TMEM82: variants seen among roughly 807,000 people sequenced by gnomAD.
TMEM82 encodes the protein transmembrane protein 82.
TMEM82 carries 30 observed loss-of-function variants against 29.2 expected under a neutral mutation model. The ratio of observed to expected loss-of-function variants is 1.03; its 90% confidence interval spans 0.77 to 1.39. TMEM82 has a LOEUF of 1.39. Among genes scored for constraint, TMEM82 ranks in the 40% most tolerant of loss-of-function variants. The probability of loss-of-function intolerance (pLI) is 0.00; values close to 1 mark genes in which losing one functional copy is unlikely to be tolerated. For synonymous variants in TMEM82, 221 were observed against 225.4 expected, an observed-to-expected ratio of 0.98 and a Z score of 0.18; for missense variants, 442 against 447.7, an observed-to-expected ratio of 0.99 and a Z score of 0.12.
rs535615120 is a variant in TMEM82, at chr1:15,743,033, C to A, written c.175C>A (p.Arg59=). The A allele has an allele frequency of 6.3e-7, 1 of 1,598,590 alleles. No individual in the cohort carries two copies. Among genetic ancestry groups the A allele is most frequent in the African/African-American group, 1.3e-5 (1 of 74,798 alleles). ...FVGCANDPQR[R]PEKERLRAQW... Reference sequence around the variant, plus strand: ...CTGTCCCCAAAGTGACCCGCAGCGGCGACCCGAAAAGGAGCGGCTTCGGGC... The same window carrying A: ...CTGTCCCCAAAGTGACCCGCAGCGGAGACCCGAAAAGGAGCGGCTTCGGGC... The change falls in exon 3 of 6, where the codon CGA becomes AGA. Residue 59 remains arginine, a synonymous_variant. Coordinates refer to ENST00000375782, the MANE Select transcript of TMEM82 (RefSeq NM_001013641.3).
At position 15,747,533 on chromosome 1, in the gene TMEM82, C is replaced by T. The variant is rs16851997; in HGVS notation, c.946-13C>T. 4,585 of 1,612,734 alleles carry T rather than the reference C, an allele frequency of 2.8e-3. 15 individuals carry two copies. The highest frequency in any genetic ancestry group is 0.021 in the East Asian group (943 of 44,862). On this transcript the variant is annotated splice_polypyrimidine_tract_variant and intron_variant, in intron 5 of 5. Transcript: ENST00000375782. ...GGTGAATGGGTGGTGTCATTCTCAA[C>T]GCTTTTCCTCAGGATTTTCCATCCC...
Position 15,742,536 on chromosome 1 carries a change from G to A in TMEM82, c.-24G>A. The A allele has an allele frequency of 6.4e-7, 1 of 1,556,694 alleles. No individual in the cohort carries two copies. Among genetic ancestry groups the A allele is most frequent in the African/African-American group, 1.4e-5 (1 of 73,540 alleles). On this transcript the variant is annotated 5_prime_UTR_variant, in exon 1 of 6. Transcript: ENST00000375782. ...TGTCCTTACGCAGACCTGGCCGGAGGCTGGGGCTCCTTCCGGGGCTGCCAT... is the reference window on the plus strand; with the variant it reads ...TGTCCTTACGCAGACCTGGCCGGAGACTGGGGCTCCTTCCGGGGCTGCCAT...
rs201931376 is a variant in TMEM82, at chr1:15,744,212, C to T, written c.389C>T (p.Ser130Leu). ...RLQLYLLCQY[S>L]LGCGLTCGLS... ...CAGCTCTACCTGCTGTGCCAGTACT[C>T]GCTGGGCTGCGGGCTGACCTGTGGC... The change falls in exon 4 of 6, where the codon TCG becomes TTG. Residue 130 changes from serine to leucine, a missense_variant. Ser to Leu is a moderately radical substitution (Grantham distance 145). Transcript: ENST00000375782. The surrounding 1 kb of genome is among the most constrained non-coding windows in gnomAD (Gnocchi z 5.2). 260 of 1,590,660 alleles carry T rather than the reference C, an allele frequency of 1.6e-4. No homozygotes were observed. The highest frequency in any genetic ancestry group is 1.9e-4 in the Non-Finnish European group (226 of 1,173,560).
At position 15,742,926 on chromosome 1, in the gene TMEM82, C is replaced by G. The variant is rs1042303728; in HGVS notation, c.161+19C>G. 6.2e-6 allele frequency: 10 copies of G among 1,612,072 alleles called. No individual in the cohort carries two copies. The highest frequency in any genetic ancestry group is 2.7e-5 in the African/African-American group (2 of 74,900). On this transcript the variant is annotated intron_variant, in intron 2 of 5. Transcript: ENST00000375782. ...GTGCCAAGTGAGTGCCCACCTCATC[C>G]CCCCAGGGAATGTGGCTGGGGGCAC...
Position 15,742,593 on chromosome 1 carries a change from C to T in TMEM82, c.34C>T (p.Pro12Ser), listed in dbSNP as rs202245196. The T allele has an allele frequency of 3.7e-6, 6 of 1,602,916 alleles. No individual in the cohort carries two copies. Among genetic ancestry groups the T allele is most frequent in the East Asian group, 2.2e-5 (1 of 44,842 alleles). Residue 12 changes from proline (P) to serine (S), a missense_variant, in exon 1 of 6, where the codon CCC (proline) becomes TCC (serine). Transcript: ENST00000375782. ...TCTTCCATCCCTCCCCTCCTGGCTC[C>T]CCGGCCTCCCCTCCCTCGAGTGGGG... ...FSLPSLPSWL[P>S]GLPSLEWGSS...
intron 4 of TMEM82, among the ~76,000 whole-genome samples, chr1:15,745,892 C>CAAAAA (rs914390608): frequency 3.5e-5 from 3 of 86,342 alleles, no homozygotes; most frequent in African/African-American, 7.3e-5. Context: ...CCATCTCAAA[C>CAAAAA]AAAAAAAAAA....
Position 15,747,973 on chromosome 1 carries a change from T to G in TMEM82, c.*341T>G. 1 of 233,864 alleles carries G rather than the reference T, an allele frequency of 4.3e-6. No homozygotes were observed. The allele number at this position is 233,864 out of a possible 1,614,324, so 14.5% of individuals were successfully genotyped here. On this transcript the variant is annotated 3_prime_UTR_variant, in exon 6 of 6. Coordinates refer to ENST00000375782, the MANE Select transcript of TMEM82 (RefSeq NM_001013641.3). ...TTCTCCATGAACAATAAAGACGATGTCTTTCTCAACCTGTGCTTAGAATCA... is the reference window on the plus strand; with the variant it reads ...TTCTCCATGAACAATAAAGACGATGGCTTTCTCAACCTGTGCTTAGAATCA...
intron 2 of TMEM82, 29 bp downstream of exon 2, chr1:15,742,936 A>G (rs1314802828): frequency 4.3e-6 from 7 of 1,610,956 alleles, no homozygotes; most frequent in Non-Finnish European, 5.1e-6. Flanking sequence ...CCCCCAGGGA[A>G]TGTGGCTGGG....
At position 15,746,739 on chromosome 1, in the gene TMEM82, C is replaced by T; in HGVS notation, c.758-128C>T. 3 of 755,484 alleles carry T rather than the reference C, an allele frequency of 4.0e-6. No individual in the cohort carries two copies. The African/African-American group carries it at 5.2e-5, about 13-fold the overall frequency. 46.8% of individuals were successfully genotyped at this position (755,484 alleles called of 1,614,324 possible). ...AGATACTCGGAGCAGGGATGGGGAC[C>T]AGGAGGATGTGATGGGAGGAGGGCT... On this transcript the variant is annotated intron_variant, in intron 4 of 5. Transcript: ENST00000375782.
chr1:15,745,814 G>T (rs1389784630), intron 4 of TMEM82, among the ~76,000 whole-genome samples: 1 of 151,422 alleles, frequency 6.6e-6, no homozygotes, highest in Non-Finnish European at 1.5e-5. Flanking sequence ...CTTGAACCTG[G>T]GAGGCGGAGG....
intron 4 of TMEM82, among the ~76,000 whole-genome samples, chr1:15,745,571 G>GAGAGAA (rs1276643062): frequency 6.6e-6 from 1 of 151,226 alleles, no homozygotes; most frequent in African/African-American, 2.4e-5. Flanking sequence ...AAGAGAGAGA[G>GAGAGAA]AGAGAAAGAG....
intron 4 of TMEM82, among the ~76,000 whole-genome samples, chr1:15,746,034 G>GTT (rs202126236): frequency 1.4e-5 from 2 of 147,836 alleles, no homozygotes; most frequent in African/African-American, 5.0e-5. Context: ...TTACTGCAGG[G>GTT]TTTTTTTTTG....
intron 4 of TMEM82, 99 bp from the exon 5 acceptor site, chr1:15,746,768 C>T (rs938953218): frequency 2.7e-5 from 27 of 1,010,124 alleles, no homozygotes; most frequent in African/African-American, 4.8e-5. Context: ...GAGGGCTGCA[C>T]GGGAGGGGAA....
intron 4 of TMEM82, among the ~76,000 whole-genome samples, chr1:15,745,448 G>A (rs528100352): frequency 7.2e-5 from 11 of 152,148 alleles, no homozygotes; most frequent in Non-Finnish European, 1.2e-4. Context: ...GAACCCAGGA[G>A]GTAGAGGTTG....
At position 15,744,146 on chromosome 1, in the gene TMEM82, G is replaced by C. The variant is rs188922866; in HGVS notation, c.337-14G>C. On this transcript the variant is annotated splice_polypyrimidine_tract_variant and intron_variant, in intron 3 of 5. Transcript: ENST00000375782. The surrounding 1 kb of genome is among the most constrained non-coding windows in gnomAD (Gnocchi z 5.2). ...AGCCCCCACATCTCGGCCCCTCTTC[G>C]GCACTCCCCGCAGGGCTCCCAGGGT... The C allele has an allele frequency of 3.3e-6, 5 of 1,505,602 alleles. No homozygotes were observed. Among genetic ancestry groups the C allele is most frequent in the Admixed American group, 4.1e-5 (2 of 49,194 alleles). The allele number at this position is 1,505,602 out of a possible 1,614,324, so 93.3% of individuals were successfully genotyped here.
intron 5 of TMEM82, among the ~76,000 whole-genome samples, 186 bp from the exon 6 acceptor site, chr1:15,747,360 C>T (rs1201868269): frequency 6.6e-6 from 1 of 152,018 alleles, no homozygotes; most frequent in Non-Finnish European, 1.5e-5. Flanking sequence ...CTGGAATCAC[C>T]TCTCCCACCC....
chr1:15,742,897 G>A lies in TMEM82; in HGVS notation c.151G>A (p.Gly51Ser), dbSNP rs562508697. Reference sequence around the variant, plus strand: ...CCTCCTGAAAGTTTACTTCTTCGTGGGCTGTGCCAAGTGAGTGCCCACCTC... The same window carrying A: ...CCTCCTGAAAGTTTACTTCTTCGTGAGCTGTGCCAAGTGAGTGCCCACCTC... Reference protein sequence around the residue: ...NSLLKVYFFVGCANDPQRRPE... With the variant: ...NSLLKVYFFVSCANDPQRRPE... The change falls in exon 2 of 6, where the codon GGC becomes AGC. Residue 51 changes from glycine to serine, a missense_variant. Coordinates refer to ENST00000375782, the MANE Select transcript of TMEM82 (RefSeq NM_001013641.3). The A allele has an allele frequency of 1.2e-5, 19 of 1,612,702 alleles. No homozygotes were observed. The highest frequency in any genetic ancestry group is 1.7e-6 in the Non-Finnish European group (2 of 1,179,966).
At chr1:15,743,541 CTA>C (rs2068309039) in intron 3 of TMEM82, among the ~76,000 whole-genome samples, 1 of 152,238 alleles carries the variant, frequency 6.6e-6, no homozygotes, top group Non-Finnish European at 1.5e-5. Context: ...GATGGGGAAA[CTA>C]AGGCTCAGAG....
intron 4 of TMEM82, among the ~76,000 whole-genome samples, chr1:15,745,205 C>T (rs1352363586): frequency 1.3e-5 from 2 of 152,088 alleles, no homozygotes; most frequent in Non-Finnish European, 2.9e-5. Flanking sequence ...CACCACTATG[C>T]CAGGCTAATT....
Sources: allele counts gnomAD v4.1 joint callset (sites outside exome capture counted in the v4.1 genomes callset), GRCh38; gene constraint gnomAD v4.1.1; non-coding constraint Gnocchi (gnomAD v3.1); transcripts MANE v1.5; gene names NCBI Gene and HGNC (gene_info 2026-07-23, HGNC 2026-07-21).